TBL1X: variants seen among roughly 807,000 people sequenced by gnomAD.
TBL1X encodes transducin beta like 1 X-linked.
TBL1X carries 10 observed loss-of-function variants against 50.7 expected under a neutral mutation model. The observed-to-expected ratio is 0.20, with a 90% CI of 0.12 to 0.33. The LOEUF is 0.33. Ranked by LOEUF, TBL1X falls within the 10% of genes least tolerant of loss-of-function variation. TBL1X has a pLI of 1.00. For missense variants in TBL1X, 340 were observed against 504.4 expected (o/e 0.67, Z 3.12); for synonymous variants, 190 against 214.7 (o/e 0.88, Z 1.01).
intron 5 of TBL1X, among the ~76,000 whole-genome samples, chrX:9,665,946 G>T (rs2082928391): frequency 9.0e-6 from 1 of 111,211 alleles, no homozygotes; most frequent in Admixed American, 9.6e-5. Flanking sequence ...GTTATGGAAG[G>T]ATACTCAGCT....
intron 15 of TBL1X, 69 bp downstream of exon 15, chrX:9,709,829 G>A (rs896306942): frequency 7.8e-5 from 91 of 1,161,607 alleles, no homozygotes; most frequent in Non-Finnish European, 9.7e-5. Flanking sequence ...CTGCTAAAGC[G>A]CGTCCATGCA....
intron 1 of TBL1X, among the ~76,000 whole-genome samples, chrX:9,500,235 C>T (rs1197270681): frequency 2.0e-5 from 2 of 99,381 alleles, no homozygotes; most frequent in Non-Finnish European, 4.0e-5. Context: ...CATGATGGCA[C>T]CACTGCACTA....
chrX:9,498,956 T>C (rs1257910265), intron 1 of TBL1X, among the ~76,000 whole-genome samples: 1 of 111,405 alleles, frequency 9.0e-6, no homozygotes, highest in Non-Finnish European at 1.9e-5. Flanking sequence ...GGTCTTGGGC[T>C]TGGGTAGGGG....
At chrX:9,603,628 C>T (rs897023344) in intron 2 of TBL1X, among the ~76,000 whole-genome samples, 1 of 111,858 alleles carries the variant, frequency 8.9e-6, no homozygotes, top group African/African-American at 3.3e-5. Context: ...CGTTTCCTAC[C>T]TGCAGTTCCC....
chrX:9,506,981 A>G (rs1272103422), intron 2 of TBL1X, among the ~76,000 whole-genome samples: 1 of 112,146 alleles, frequency 8.9e-6, no homozygotes, highest in Non-Finnish European at 1.9e-5. Flanking sequence ...CACAGCCAAT[A>G]TCATACTAAA....
chrX:9,480,319 A>G (rs1175931160), intron 1 of TBL1X, among the ~76,000 whole-genome samples: 1 of 111,871 alleles, frequency 8.9e-6, no homozygotes, highest in Non-Finnish European at 1.9e-5. Context: ...TGTAAAAGGG[A>G]ATATAATTTT....
chrX:9,578,815 T>C (rs958739204), intron 2 of TBL1X, among the ~76,000 whole-genome samples: 6 of 112,293 alleles, frequency 5.3e-5, no homozygotes, highest in Admixed American at 9.4e-5. Flanking sequence ...AAGGAAACCA[T>C]GATGCCTCTA....
At chrX:9,568,726 G>C (rs951627405) in intron 2 of TBL1X, among the ~76,000 whole-genome samples, 5 of 104,736 alleles carry the variant, frequency 4.8e-5, no homozygotes, top group Admixed American at 4.1e-4. Context: ...GCAGTGTGCT[G>C]TGTGTGTGTC....
chrX:9,574,616 A>G (rs1340788292), intron 2 of TBL1X, among the ~76,000 whole-genome samples: 2 of 110,542 alleles, frequency 1.8e-5, no homozygotes, highest in East Asian at 5.7e-4. Flanking sequence ...TGTTCTGTGT[A>G]GGATGTGCAG....
At chrX:9,495,543 T>C (rs769873564) in intron 1 of TBL1X, among the ~76,000 whole-genome samples, 426 of 111,388 alleles carry the variant, frequency 3.8e-3, no homozygotes, top group African/African-American at 0.013. Flanking sequence ...AAATACACAG[T>C]GAGGCTTCTG....
intron 2 of TBL1X, among the ~76,000 whole-genome samples, chrX:9,632,829 C>T (rs1285026009): frequency 8.9e-6 from 1 of 111,775 alleles, no homozygotes; most frequent in African/African-American, 3.3e-5. Context: ...GTAACAATTG[C>T]CTGTGTAACC....
chrX:9,653,993 G>A (rs2082851168), intron 4 of TBL1X, among the ~76,000 whole-genome samples: 1 of 111,455 alleles, frequency 9.0e-6, no homozygotes, highest in Admixed American at 9.5e-5. Context: ...TTAGGAAATA[G>A]GCCAACTCTT....
At chrX:9,667,932 T>C (rs2146613373) in intron 5 of TBL1X, among the ~76,000 whole-genome samples, 1 of 112,003 alleles carries the variant, frequency 8.9e-6, no homozygotes, top group African/African-American at 3.2e-5. Flanking sequence ...CAAGATCAAA[T>C]TCTAGGTTAT....
rs1429702345 is a variant in TBL1X, at chrX:9,716,997, C to T, written c.*751C>T. On this transcript the variant is annotated 3_prime_UTR_variant, in exon 18 of 18. Coordinates refer to ENST00000645353, the MANE Select transcript of TBL1X (RefSeq NM_005647.4). ...GTGGACATGAAGACACAATCTCCCA[C>T]GGACAGCTTTCCCCCTTCCGCCCTC... The T allele has an allele frequency of 1.8e-5, 2 of 110,346 alleles. No individual in the cohort carries two copies. The highest frequency in any genetic ancestry group is 6.6e-5 in the African/African-American group (2 of 30,135). 9.1% of individuals were successfully genotyped at this position (110,346 alleles called of 1,213,427 possible).
At chrX:9,648,735 C>T (rs1431765678) in intron 3 of TBL1X, among the ~76,000 whole-genome samples, 1 of 112,394 alleles carries the variant, frequency 8.9e-6, no homozygotes, top group Non-Finnish European at 1.9e-5. Context: ...TTTGCAGTGA[C>T]CTTCTCTGTG....
intron 1 of TBL1X, among the ~76,000 whole-genome samples, chrX:9,493,303 C>CT (rs916418456): frequency 6.3e-5 from 7 of 111,874 alleles, no homozygotes; most frequent in African/African-American, 2.3e-4. Context: ...TCCAGGAAGT[C>CT]TAACTTCTTG....
chrX:9,598,465 A>G (rs1015317556), intron 2 of TBL1X, among the ~76,000 whole-genome samples: 6 of 111,465 alleles, frequency 5.4e-5, no homozygotes, highest in Non-Finnish European at 1.1e-4. Flanking sequence ...CAGAGCCTGT[A>G]CTTCTGCCTG....
At chrX:9,684,015 C>G (rs1196582851) in intron 5 of TBL1X, 28 bp from the exon 6 acceptor site, 1 of 1,211,803 alleles carries the variant, frequency 8.3e-7, no homozygotes. Context: ...GGGTCTCACT[C>G]AACCTCAGCT....
At position 9,692,135 on chromosome X, in the gene TBL1X, A is replaced by T. The variant is rs1224361583; in HGVS notation, c.772A>T (p.Ile258Leu). 1.7e-6 allele frequency: 2 copies of T among 1,211,629 alleles called. No homozygotes were observed. The highest frequency in any genetic ancestry group is 4.3e-5 in the Admixed American group (2 of 46,022). The stretch of plus-strand genomic sequence containing the variant: ...TAGATCTGGAGACTCAACTGCAAGG[A>T]TATGGAACCTGAATGAGAATAGCAA... ...ASGSGDSTAR[I>L]WNLNENSNGG... The change falls in exon 9 of 18, where the codon ATA becomes TTA. Residue 258 changes from isoleucine (I) to leucine (L), a missense_variant. Transcript: ENST00000645353.
Sources: allele counts gnomAD v4.1 joint callset (sites outside exome capture counted in the v4.1 genomes callset), GRCh38; gene constraint gnomAD v4.1.1; transcripts MANE v1.5; gene names NCBI Gene and HGNC (gene_info 2026-07-23, HGNC 2026-07-21).